The following SLC44A2 variants were observed in gnomAD, a reference collection of about 807,000 sequenced individuals.
The protein encoded by SLC44A2 is choline transporter-like protein 2.
A neutral mutation model predicts 90.8 loss-of-function variants in SLC44A2; 57 were observed. The observed-to-expected ratio is 0.63, with a 90% CI of 0.51 to 0.78. The LOEUF (loss-of-function observed/expected upper bound fraction) is 0.78, where lower values mean the gene tolerates loss of function less well. Ranked by LOEUF, SLC44A2 falls within the 30% of genes least tolerant of loss-of-function variation. The pLI is 0.00. For synonymous variants in SLC44A2, 355 were observed against 360.7 expected, an observed-to-expected ratio of 0.98 and a Z score of 0.18; for missense variants, 794 against 919.7, an observed-to-expected ratio of 0.86 and a Z score of 1.77.
chr19:10,613,369 C>T (rs1305174631), intron 1 of SLC44A2, among the ~76,000 whole-genome samples: 3 of 152,056 alleles, frequency 2.0e-5, no homozygotes, highest in Non-Finnish European at 4.4e-5. Context: ...CCTGCCTCAG[C>T]CTCCCGAGTA....
At chr19:10,620,733 C>T (rs1451705337), upstream of SLC44A2, among the ~76,000 whole-genome samples, 1 of 152,090 alleles carries the variant, frequency 6.6e-6, no homozygotes, top group Non-Finnish European at 1.5e-5. Flanking sequence ...AAATGTCTAA[C>T]ATGTCAGATG....
upstream of SLC44A2, among the ~76,000 whole-genome samples, chr19:10,620,923 C>T (rs906298850): frequency 6.6e-6 from 1 of 152,076 alleles, no homozygotes; most frequent in Non-Finnish European, 1.5e-5. Context: ...CCTATAGTCA[C>T]AGCTACTTGG....
intron 4 of SLC44A2, 152 bp downstream of exon 4, chr19:10,628,156 A>G (rs1285700583): frequency 4.3e-6 from 3 of 704,510 alleles, no homozygotes; most frequent in Non-Finnish European, 7.3e-6. Context: ...AGGCCGAGGC[A>G]GGAATATTGC....
At position 10,631,627 on chromosome 19, in the gene SLC44A2, G is replaced by A. The variant is rs745789435; in HGVS notation, c.504G>A (p.Leu168=). The change falls in exon 8 of 22, where the codon TTG becomes TTA. Residue 168 remains leucine (L), a splice_region_variant and synonymous_variant. Transcript: ENST00000335757. ...GGTGCCATCCTCTGCTCCATGCAGT[G>A]GCCCGGAGATGCTTCCCCGCTATCC... ...CPAVLIPSKP[L]ARRCFPAIHA... is the part of the protein sequence containing the mutation. 3.1e-6 allele frequency: 5 copies of A among 1,613,750 alleles called. No individual in the cohort carries two copies. The African/African-American group carries it at 6.7e-5, about 22-fold the overall frequency.
At chr19:10,603,094 G>T (rs1175703525) in intron 1 of SLC44A2, among the ~76,000 whole-genome samples, 1 of 152,164 alleles carries the variant, frequency 6.6e-6, no homozygotes, top group Non-Finnish European at 1.5e-5. Flanking sequence ...GGCGCCTTTG[G>T]TGAGGGGGCA....
upstream of SLC44A2, among the ~76,000 whole-genome samples, chr19:10,623,291 T>C (rs1445078468): frequency 6.6e-6 from 1 of 152,056 alleles, no homozygotes; most frequent in African/African-American, 2.4e-5. Flanking sequence ...TGCTGGTGGC[T>C]ACTAGGAGGA....
At chr19:10,637,587 C>A (rs974699727) in intron 16 of SLC44A2, 57 bp from the exon 17 acceptor site, 2 of 1,457,214 alleles carry the variant, frequency 1.4e-6, no homozygotes, top group Non-Finnish European at 1.9e-6. Flanking sequence ...AAGAGGGGAT[C>A]CCTTCCAAGT....
Position 10,642,387 on chromosome 19 carries a change from C to T in SLC44A2, c.1950C>T (p.Tyr650=). 1 of 1,614,134 alleles carries T rather than the reference C, an allele frequency of 6.2e-7. No homozygotes were observed. Among genetic ancestry groups the T allele is most frequent in the Non-Finnish European group, 8.5e-7 (1 of 1,180,024 alleles). ...CCCAGACGGTGATCGTTGGCTCCTA[C>T]TTGATTGCACACGGTTTCTTCAGCG... ...VPILTVIVGS[Y]LIAHGFFSVY... Residue 650 remains tyrosine (Y), a synonymous_variant, in exon 21 of 22, where the codon TAC becomes TAT. Coordinates refer to ENST00000335757, the MANE Select transcript of SLC44A2 (RefSeq NM_020428.4).
chr19:10,610,325 C>A (rs1456264386), intron 1 of SLC44A2, among the ~76,000 whole-genome samples: 2 of 146,174 alleles, frequency 1.4e-5, no homozygotes. Context: ...AGAGACTTTT[C>A]TTTTCCTTTT....
Position 10,644,030 on chromosome 19 carries a change from G to T in SLC44A2, c.*645G>T, listed in dbSNP as rs143516113. On this transcript the variant is annotated 3_prime_UTR_variant, in exon 22 of 22. Transcript: ENST00000335757. ...GCCCAGGTGGGGGTGTCTCCTGGCT[G>T]GGAAGGAGGGAAAGGGAGGGAGAGT... 6.5e-6 allele frequency: 1 copy of T among 152,780 alleles called. No individual in the cohort carries two copies. Among genetic ancestry groups the T allele is most frequent in the African/African-American group, 2.4e-5 (1 of 41,508 alleles). 9.5% of individuals were successfully genotyped at this position (152,780 alleles called of 1,614,324 possible).
At chr19:10,605,655 C>T (rs1918080296) in intron 1 of SLC44A2, among the ~76,000 whole-genome samples, 1 of 151,780 alleles carries the variant, frequency 6.6e-6, no homozygotes, top group Non-Finnish European at 1.5e-5. Context: ...CCACTGCACT[C>T]CAGCTTAGGT....
At chr19:10,602,489 G>T (rs2144792308), upstream of SLC44A2, 2 of 1,227,268 alleles carry the variant, frequency 1.6e-6, no homozygotes, top group East Asian at 6.7e-5. Flanking sequence ...CCCGGGCTGG[G>T]GTCGCGCTGG....
intron 18 of SLC44A2, 29 bp from the exon 19 acceptor site, chr19:10,637,994 T>A: frequency 6.2e-7 from 1 of 1,614,084 alleles, no homozygotes. Flanking sequence ...AAGCCAGCAT[T>A]CACACCTGCC....
At chr19:10,615,140 G>GT (rs774638293) in intron 1 of SLC44A2, among the ~76,000 whole-genome samples, 1 of 150,656 alleles carries the variant, frequency 6.6e-6, no homozygotes, top group Non-Finnish European at 1.5e-5. Flanking sequence ...CATCAAAAAG[G>GT]TTTTCAGAGG....
intron 1 of SLC44A2, 102 bp downstream of exon 1, chr19:10,625,772 C>T (rs1235699528): frequency 4.8e-6 from 5 of 1,036,904 alleles, no homozygotes; most frequent in South Asian, 4.4e-5. Flanking sequence ...GGAGGGGGAG[C>T]GCAATTGCAA....
At chr19:10,603,584 G>A (rs1011803762) in intron 1 of SLC44A2, among the ~76,000 whole-genome samples, 15 of 152,306 alleles carry the variant, frequency 9.8e-5, no homozygotes, top group African/African-American at 3.6e-4. Context: ...TCAGGAGGCT[G>A]CCAGGAGAGA....
intron 1 of SLC44A2, among the ~76,000 whole-genome samples, chr19:10,620,458 A>AAAAC (rs200378505): frequency 3.3e-5 from 5 of 152,158 alleles, no homozygotes; most frequent in East Asian, 1.9e-4. Context: ...CCATCTCCAA[A>AAAAC]AAACAAACAA....
chr19:10,630,501 A>G (rs2066982109), intron 4 of SLC44A2, among the ~76,000 whole-genome samples: 2 of 151,400 alleles, frequency 1.3e-5, no homozygotes, highest in South Asian at 4.2e-4. Flanking sequence ...CACTAAAAAT[A>G]CAAAAATTAG....
At chr19:10,633,439 C>T (rs968640987) in intron 10 of SLC44A2, among the ~76,000 whole-genome samples, 3 of 151,552 alleles carry the variant, frequency 2.0e-5, no homozygotes, top group Non-Finnish European at 2.9e-5. Context: ...GGATTACAGA[C>T]GTGAGCCACC....
Sources: gnomAD v4.1 joint callset for allele counts (sites outside exome capture counted in the v4.1 genomes callset) on GRCh38, gnomAD v4.1.1 for gene constraint, MANE v1.5 for transcripts, NCBI Gene and HGNC (gene_info 2026-07-23, HGNC 2026-07-21) for gene names.